The following NMT1 variants were observed in gnomAD, a reference collection of about 807,000 sequenced individuals.
The protein encoded by NMT1 is glycylpeptide N-tetradecanoyltransferase 1.
Under a neutral mutation model 63.4 loss-of-function variants are expected in NMT1, and 12 were observed. The observed-to-expected ratio is 0.19, with a 90% CI of 0.12 to 0.31. The LOEUF (loss-of-function observed/expected upper bound fraction) is 0.31, where lower values mean the gene tolerates loss of function less well. Ranked by LOEUF, NMT1 falls within the 10% of genes least tolerant of loss-of-function variation. The probability of loss-of-function intolerance (pLI) is 1.00; values close to 1 mark genes in which losing one functional copy is unlikely to be tolerated. For missense variants in NMT1, 432 were observed against 634.6 expected, an observed-to-expected ratio of 0.68 and a Z score of 3.43; for synonymous variants, 228 against 234.3, an observed-to-expected ratio of 0.97 and a Z score of 0.25.
intron 3 of NMT1, among the ~76,000 whole-genome samples, chr17:45,090,340 G>A (rs1174069982): frequency 6.6e-6 from 1 of 152,160 alleles, no homozygotes; most frequent in African/African-American, 2.4e-5. Context: ...AAGTGTTTTA[G>A]TCTGTGTAAC....
Position 45,103,149 on chromosome 17 carries a change from T to G in NMT1, c.1164+28T>G, listed in dbSNP as rs761624486. On this transcript the variant is annotated intron_variant, in intron 9 of 11. Transcript: ENST00000258960. This position sits in a 1 kb window ranked among gnomAD's most constrained non-coding sequence, Gnocchi z 4.8. ...GAGTCAGGGAGTGGTGTTCCAGGTC[T>G]CTAACACGTTCCCAGAGAGGCACCC... is the stretch of plus-strand genomic sequence containing the variant. 5 of 1,585,924 alleles carry G rather than the reference T, an allele frequency of 3.2e-6. No homozygotes were observed. Among genetic ancestry groups the G allele is most frequent in the Non-Finnish European group, 4.3e-6 (5 of 1,158,914 alleles).
In NMT1 at chr17:45,081,884, A is replaced by G; in HGVS notation, c.240+132A>G. On this transcript the variant is annotated intron_variant, in intron 2 of 11. Transcript: ENST00000258960. Reference sequence around the variant, plus strand: ...CTTCAAGATGGAAGAGTTGGATCCCAGTGCTGTCCTCTGCTGCCCTAGACC... The same window carrying G: ...CTTCAAGATGGAAGAGTTGGATCCCGGTGCTGTCCTCTGCTGCCCTAGACC... The G allele has an allele frequency of 2.8e-6, 2 of 726,690 alleles. 1 individual carries two copies. Among genetic ancestry groups the G allele is most frequent in the South Asian group, 3.8e-5 (2 of 52,144 alleles). 45.0% of individuals were successfully genotyped at this position (726,690 alleles called of 1,614,324 possible).
At chr17:45,080,154 C>CT (rs1227667959) in intron 1 of NMT1, among the ~76,000 whole-genome samples, 13 of 143,984 alleles carry the variant, frequency 9.0e-5, no homozygotes, top group South Asian at 2.2e-4. Context: ...TTAGGCATTT[C>CT]TTTTTTTTTT....
intron 1 of NMT1, among the ~76,000 whole-genome samples, chr17:45,078,712 A>C (rs1209484405): frequency 1.3e-5 from 2 of 150,998 alleles, no homozygotes; most frequent in Admixed American, 6.6e-5. Context: ...CCCAGGCTGG[A>C]GTATAGTTGT....
chr17:45,069,808 C>A (rs954109726), intron 1 of NMT1, among the ~76,000 whole-genome samples: 1 of 149,014 alleles, frequency 6.7e-6, no homozygotes, highest in Admixed American at 6.8e-5. Context: ...TCATGATAGA[C>A]AAATATTATT....
chr17:45,082,375 C>G (rs12941144), intron 2 of NMT1, among the ~76,000 whole-genome samples: 4,248 of 152,164 alleles, frequency 0.028, 189 homozygotes, highest in African/African-American at 0.093. Flanking sequence ...CCTAGCCTCC[C>G]AAAGTGCTGG....
In NMT1 at chr17:45,098,575, C is replaced by A. The variant is rs779694369; in HGVS notation, c.884+23C>A. 22 of 1,609,622 alleles carry A rather than the reference C, an allele frequency of 1.4e-5. 1 individual carries two copies. The Admixed American group carries it at 2.7e-4, about 20-fold the overall frequency. ...CAGGTAAAACTGTCTTCCTGTAAGG[C>A]CCCAAAAATGCGGGTGTCTGCACTG... is the stretch of plus-strand genomic sequence containing the variant. On this transcript the variant is annotated intron_variant, in intron 7 of 11. Coordinates refer to ENST00000258960, the MANE Select transcript of NMT1 (RefSeq NM_021079.5).
intron 1 of NMT1, among the ~76,000 whole-genome samples, chr17:45,079,502 G>T (rs1034512174): frequency 6.6e-6 from 1 of 152,174 alleles, no homozygotes; most frequent in Non-Finnish European, 1.5e-5. Flanking sequence ...CTCAAACCTA[G>T]AATTTGAGAC....
At position 45,102,932 on chromosome 17, in the gene NMT1, T is replaced by C. The variant is rs1251836693; in HGVS notation, c.994-19T>C. 8.8e-6 allele frequency: 14 copies of C among 1,597,714 alleles called. No individual in the cohort carries two copies. The highest frequency in any genetic ancestry group is 1.3e-5 in the African/African-American group (1 of 74,670). ...GGTGATCAGCTCATCTCACTCCATCTCTTCTGTCTTGCCTCCAGACTCCCA... is the reference window on the plus strand; with the variant it reads ...GGTGATCAGCTCATCTCACTCCATCCCTTCTGTCTTGCCTCCAGACTCCCA... On this transcript the variant is annotated intron_variant, in intron 8 of 11. Coordinates refer to ENST00000258960, the MANE Select transcript of NMT1 (RefSeq NM_021079.5).
intron 2 of NMT1, among the ~76,000 whole-genome samples, chr17:45,083,007 ACT>A (rs1237546081): frequency 2.0e-5 from 3 of 150,754 alleles, no homozygotes; most frequent in Non-Finnish European, 4.4e-5. Context: ...ACAGAGTGAG[ACT>A]CTGTCTCAAA....
chr17:45,098,681 T>G, intron 7 of NMT1, 129 bp downstream of exon 7: 1 of 839,194 alleles, frequency 1.2e-6, no homozygotes, highest in Non-Finnish European at 1.9e-6. Flanking sequence ...AGGCGGGCAC[T>G]TGGTGCCTGC....
chr17:45,101,547 A>AG (rs150982458), intron 8 of NMT1, among the ~76,000 whole-genome samples: 4,723 of 137,118 alleles, frequency 0.034, 261 homozygotes, highest in African/African-American at 0.12. Flanking sequence ...TGAACCTGGG[A>AG]GGCAGAGGTT....
intron 1 of NMT1, among the ~76,000 whole-genome samples, chr17:45,070,062 A>C (rs959003010): frequency 6.6e-6 from 1 of 152,140 alleles, no homozygotes; most frequent in Admixed American, 6.6e-5. Flanking sequence ...TTCCGGTTTT[A>C]AGGAGTTTAG....
intron 2 of NMT1, among the ~76,000 whole-genome samples, chr17:45,085,935 T>A (rs1484588950): frequency 6.7e-6 from 1 of 150,020 alleles, no homozygotes; most frequent in Non-Finnish European, 1.5e-5. Flanking sequence ...AATTCTCGTG[T>A]CTCAGCCTCC....
At chr17:45,068,819 G>C (rs925210041) in intron 1 of NMT1, among the ~76,000 whole-genome samples, 2 of 152,066 alleles carry the variant, frequency 1.3e-5, no homozygotes, top group Non-Finnish European at 2.9e-5. Context: ...GCTAATTTCT[G>C]TATTTTTAAT....
At chr17:45,099,610 T>G (rs1183930223) in intron 8 of NMT1, 97 bp downstream of exon 8, 14 of 850,608 alleles carry the variant, frequency 1.6e-5, no homozygotes, top group Non-Finnish European at 2.8e-5. Context: ...AGAGGGAGCT[T>G]TCTCCTACTG....
intron 1 of NMT1, among the ~76,000 whole-genome samples, chr17:45,066,115 G>GC (rs1196177239): frequency 1.3e-5 from 2 of 151,938 alleles, no homozygotes; most frequent in Non-Finnish European, 2.9e-5. Context: ...GTGCTGTGGC[G>GC]CGATCTTGGC....
In NMT1 at chr17:45,061,440, G is replaced by A. The variant is rs1328029981; in HGVS notation, c.111G>A (p.Glu37=). Residue 37 remains glutamate, a synonymous_variant, in exon 1 of 12, where the codon GAG becomes GAA. Transcript: ENST00000258960. ...ACTGCAGCGATTGCGAGAATGAGGA[G>A]GACAACAGCTACAACCGGGGGTAAC... ...HEHCSDCENE[E]DNSYNRGGLS... 4 of 1,613,454 alleles carry A rather than the reference G, an allele frequency of 2.5e-6. No individual in the cohort carries two copies. The highest frequency in any genetic ancestry group is 3.4e-6 in the Non-Finnish European group (4 of 1,179,858).
At chr17:45,079,993 C>T (rs762953404) in intron 1 of NMT1, among the ~76,000 whole-genome samples, 11 of 152,104 alleles carry the variant, frequency 7.2e-5, no homozygotes, top group Non-Finnish European at 1.3e-4. Flanking sequence ...CCACTGCGCC[C>T]GGCCACATGT....
Sources: allele counts gnomAD v4.1 joint callset (sites outside exome capture counted in the v4.1 genomes callset), GRCh38; gene constraint gnomAD v4.1.1; non-coding constraint Gnocchi (gnomAD v3.1); transcripts MANE v1.5; gene names NCBI Gene and HGNC (gene_info 2026-07-23, HGNC 2026-07-21).